The following PARD3 variants were observed in gnomAD, a reference collection of about 807,000 sequenced individuals.
PARD3 encodes partitioning defective 3 homolog.
A neutral mutation model predicts 155.4 loss-of-function variants in PARD3; 75 were observed. The ratio of observed to expected loss-of-function variants is 0.48; its 90% CI spans 0.40 to 0.58. The LOEUF (loss-of-function observed/expected upper bound fraction) is 0.58. Ranked by LOEUF, PARD3 falls within the 20% of genes least tolerant of loss-of-function variation. The pLI, the probability that PARD3 is intolerant of heterozygous loss-of-function variation, is 0.00. For missense variants in PARD3, 1,642 were observed against 1,721.7 expected (o/e 0.95, Z 0.82); for synonymous variants, 576 against 610.5 (o/e 0.94, Z 0.83).
chr10:34,739,283 A>T (rs2094966783), intron 1 of PARD3, among the ~76,000 whole-genome samples: 1 of 152,312 alleles, frequency 6.6e-6, no homozygotes, highest in East Asian at 1.9e-4. Context: ...GACATTAGCA[A>T]AGAGGATGAG....
At chr10:34,759,613 G>A (rs946153885) in intron 1 of PARD3, among the ~76,000 whole-genome samples, 7 of 152,196 alleles carry the variant, frequency 4.6e-5, no homozygotes, top group African/African-American at 1.7e-4. Flanking sequence ...ATATAAAACA[G>A]GAAGTGAGAG....
intron 2 of PARD3, among the ~76,000 whole-genome samples, chr10:34,608,337 T>C (rs1329557693): frequency 3.9e-5 from 6 of 152,130 alleles, no homozygotes; most frequent in Non-Finnish European, 5.9e-5. Flanking sequence ...TAAGAGATAA[T>C]ACAAACGTTG....
chr10:34,484,887 G>A (rs905156818), intron 3 of PARD3, among the ~76,000 whole-genome samples: 1 of 152,110 alleles, frequency 6.6e-6, no homozygotes, highest in Non-Finnish European at 1.5e-5. Flanking sequence ...AGCTCCTTTC[G>A]TGGCTGCCAG....
chr10:34,276,626 T>C (rs1955894853), intron 21 of PARD3, among the ~76,000 whole-genome samples: 1 of 152,198 alleles, frequency 6.6e-6, no homozygotes, highest in South Asian at 2.1e-4. Flanking sequence ...CTAGTCTTTA[T>C]ATATCCAGAA....
intron 5 of PARD3, among the ~76,000 whole-genome samples, chr10:34,413,189 A>T (rs1053375560): frequency 4.0e-5 from 6 of 151,390 alleles, no homozygotes; most frequent in Non-Finnish European, 7.4e-5. Context: ...ACATATATAT[A>T]AGACTTTGTA....
chr10:34,352,075 T>C (rs1838146311), intron 14 of PARD3, among the ~76,000 whole-genome samples: 1 of 152,202 alleles, frequency 6.6e-6, no homozygotes, highest in South Asian at 2.1e-4. Context: ...CGATATTCTC[T>C]ACTGGCACTA....
At chr10:34,474,315 C>T in intron 3 of PARD3, among the ~76,000 whole-genome samples, 1 of 152,150 alleles carries the variant, frequency 6.6e-6, no homozygotes, top group East Asian at 1.9e-4. Context: ...AATAAATAGA[C>T]CCCGGGGCAG....
At chr10:34,561,188 A>G (rs1198659505) in intron 2 of PARD3, among the ~76,000 whole-genome samples, 3 of 152,178 alleles carry the variant, frequency 2.0e-5, no homozygotes, top group African/African-American at 7.2e-5. Context: ...AGGAATAAGA[A>G]AATCAAGAGG....
At chr10:34,384,655 T>A (rs543437798) in intron 7 of PARD3, among the ~76,000 whole-genome samples, 7 of 152,198 alleles carry the variant, frequency 4.6e-5, no homozygotes, top group Non-Finnish European at 7.3e-5. Context: ...AAAAGACGAC[T>A]GCAACTCCCA....
At chr10:34,412,688 A>G (rs957413879) in intron 5 of PARD3, among the ~76,000 whole-genome samples, 2 of 152,192 alleles carry the variant, frequency 1.3e-5, no homozygotes, top group African/African-American at 4.8e-5. Context: ...GTTTGGCCCA[A>G]TTATGTTAGT....
At chr10:34,612,284 T>A (rs1348897461) in intron 2 of PARD3, among the ~76,000 whole-genome samples, 1 of 152,108 alleles carries the variant, frequency 6.6e-6, no homozygotes, top group Non-Finnish European at 1.5e-5. Flanking sequence ...AAAATAATAA[T>A]AATTAAAAAC....
chr10:34,200,071 T>G (rs953585475), intron 22 of PARD3, among the ~76,000 whole-genome samples: 2 of 152,218 alleles, frequency 1.3e-5, no homozygotes, highest in Non-Finnish European at 2.9e-5. Flanking sequence ...CTTTGTGAGC[T>G]ATGATCATGT....
rs1564404858 is a variant in PARD3, at chr10:34,605,524, C to CTATATATATCTCCTATATATATATATATA, written c.223-88394_223-88366dup. ...ACTCTTAAATATATATATATATCTC[C>CTATATATATCTCCTATATATATATATATA]TATATATATCTCCTATATATATATA... On this transcript the variant is annotated intron_variant, in intron 2 of 24. Coordinates refer to ENST00000374788, the MANE Select transcript of PARD3 (RefSeq NM_001184785.2). Among the ~76,000 whole-genome samples, 15 of 40,414 alleles carry CTATATATATCTCCTATATATATATATATA rather than the reference C, an allele frequency of 3.7e-4. 1 individual carries two copies. Among genetic ancestry groups the CTATATATATCTCCTATATATATATATATA allele is most frequent in the African/African-American group, 1.7e-3 (15 of 8,700 alleles). The allele number at this position is 40,414 out of a possible 152,430, so 26.5% of individuals were successfully genotyped here.
chr10:34,636,333 C>A (rs1288214864), intron 2 of PARD3, among the ~76,000 whole-genome samples: 1 of 152,176 alleles, frequency 6.6e-6, no homozygotes, highest in African/African-American at 2.4e-5. Flanking sequence ...TCATCCAAAC[C>A]CACACTGCTG....
intron 16 of PARD3, among the ~76,000 whole-genome samples, chr10:34,338,599 T>C (rs1022003696): frequency 1.3e-5 from 2 of 152,196 alleles, no homozygotes; most frequent in Admixed American, 6.5e-5. Flanking sequence ...CAACCCTTTA[T>C]GGCCTTATAA....
At chr10:34,287,822 T>C (rs1485670353) in intron 20 of PARD3, among the ~76,000 whole-genome samples, 1 of 152,212 alleles carries the variant, frequency 6.6e-6, no homozygotes, top group Non-Finnish European at 1.5e-5. Flanking sequence ...GGTATTAAAA[T>C]ATTAATTAGT....
At chr10:34,515,606 C>T (rs951009342) in intron 3 of PARD3, among the ~76,000 whole-genome samples, 1 of 152,194 alleles carries the variant, frequency 6.6e-6, no homozygotes, top group African/African-American at 2.4e-5. Context: ...GATGGGCTAA[C>T]AGATCTCTAA....
At chr10:34,460,436 T>C (rs910924071) in intron 4 of PARD3, among the ~76,000 whole-genome samples, 3 of 152,164 alleles carry the variant, frequency 2.0e-5, no homozygotes, top group African/African-American at 4.8e-5. Flanking sequence ...ATCACAACTT[T>C]ATCATTTAAC....
At chr10:34,333,310 G>A (rs964491436) in intron 18 of PARD3, among the ~76,000 whole-genome samples, 5 of 152,064 alleles carry the variant, frequency 3.3e-5, no homozygotes, top group Admixed American at 2.6e-4. Context: ...ATAAATTTCA[G>A]AAATGGCATG....
Sources: allele counts gnomAD v4.1 joint callset (sites outside exome capture counted in the v4.1 genomes callset), GRCh38; gene constraint gnomAD v4.1.1; transcripts MANE v1.5; gene names NCBI Gene and HGNC (gene_info 2026-07-23, HGNC 2026-07-21).